GSE1: variants seen among roughly 807,000 people sequenced by gnomAD.
GSE1 encodes genetic suppressor element 1.
Under a neutral mutation model 112.6 loss-of-function variants are expected in GSE1, and 32 were observed. The ratio of observed to expected loss-of-function variants is 0.28; its 90% CI spans 0.21 to 0.38. The LOEUF is 0.38. Ranked by LOEUF, GSE1 falls within the 10% of genes least tolerant of loss-of-function variation. The pLI, the probability that GSE1 is intolerant of heterozygous loss-of-function variation, is 1.00. For missense variants in GSE1, 2,348 were observed against 1,699.2 expected, an observed-to-expected ratio of 1.38 and a Z score of -6.71; for synonymous variants, 1,115 against 735.6, an observed-to-expected ratio of 1.52 and a Z score of -8.35.
At chr16:85,600,607 CA>C (rs1567633600) in intron 1 of GSE1, among the ~76,000 whole-genome samples, 5 of 152,068 alleles carry the variant, frequency 3.3e-5, no homozygotes, top group African/African-American at 1.2e-4. Flanking sequence ...CACACACACA[CA>C]CACCCCAAAA....
At chr16:85,191,658 G>A (rs538923389) in intron 1 of GSE1, among the ~76,000 whole-genome samples, 25 of 152,222 alleles carry the variant, frequency 1.6e-4, no homozygotes, top group Non-Finnish European at 2.4e-4. Context: ...TTCACGCCCC[G>A]GCATGAACAT....
intron 2 of GSE1, among the ~76,000 whole-genome samples, chr16:85,423,221 A>T (rs2048893237): frequency 6.6e-6 from 1 of 152,172 alleles, no homozygotes; most frequent in South Asian, 2.1e-4. Context: ...GAAGGGGCAA[A>T]CGCCCAGCCA....
At chr16:85,666,407 C>T in intron 13 of GSE1, 60 bp downstream of exon 13, 1 of 1,570,806 alleles carries the variant, frequency 6.4e-7, no homozygotes, top group Non-Finnish European at 8.7e-7. Context: ...ACCAAAGTTG[C>T]TGAGCGCCAC....
chr16:85,556,245 G>A, exon 1 of GSE1: 5 of 984,658 alleles, frequency 5.1e-6, no homozygotes, highest in Non-Finnish European at 6.0e-6. Context: ...GGCTTGAACG[G>A]TGCTTTTTGT....
chr16:85,172,529 G>C (rs762134613), intron 1 of GSE1, among the ~76,000 whole-genome samples: 1 of 152,236 alleles, frequency 6.6e-6, no homozygotes, highest in Non-Finnish European at 1.5e-5. Flanking sequence ...AGCCAGACGG[G>C]GCTCAGTTAA....
chr16:85,516,143 G>C (rs894141852), intron 2 of GSE1, among the ~76,000 whole-genome samples: 1 of 152,158 alleles, frequency 6.6e-6, no homozygotes, highest in African/African-American at 2.4e-5. Flanking sequence ...GCTGGGGACA[G>C]ATTGTGTCAC....
intron 1 of GSE1, among the ~76,000 whole-genome samples, chr16:85,577,938 C>T (rs2046295717): frequency 1.3e-5 from 2 of 152,256 alleles, no homozygotes; most frequent in African/African-American, 4.8e-5. Context: ...CTTTGCAGAG[C>T]CCGGCTTGCT....
At chr16:85,247,897 G>T (rs548283686) in intron 1 of GSE1, among the ~76,000 whole-genome samples, 6 of 152,336 alleles carry the variant, frequency 3.9e-5, no homozygotes, top group South Asian at 2.1e-4. Context: ...GGCCCTTTCT[G>T]CAAGGAGGCC....
chr16:85,251,853 G>A (rs1474083101), intron 1 of GSE1, among the ~76,000 whole-genome samples: 6 of 152,216 alleles, frequency 3.9e-5, no homozygotes, highest in Middle Eastern at 3.2e-3. Context: ...CTGGGTGTGC[G>A]GAACCCCTAT....
intron 1 of GSE1, among the ~76,000 whole-genome samples, chr16:85,322,083 C>T (rs1421997168): frequency 6.6e-6 from 1 of 152,250 alleles, no homozygotes; most frequent in Non-Finnish European, 1.5e-5. Context: ...TGAGGCTCTG[C>T]ACCCAGCAAC....
At chr16:85,221,237 G>A (rs77838440) in intron 1 of GSE1, among the ~76,000 whole-genome samples, 1 of 152,012 alleles carries the variant, frequency 6.6e-6, no homozygotes, top group East Asian at 1.9e-4. Context: ...GGCTGTGCGA[G>A]GAGCCCCACT....
intron 4 of GSE1, 58 bp from the exon 5 acceptor site, chr16:85,654,736 A>T (rs1598615839): frequency 1.9e-6 from 2 of 1,045,508 alleles, no homozygotes; most frequent in South Asian, 2.6e-5. Context: ...CCGTCCCCCC[A>T]TGCAGGAGCA....
Position 85,663,361 on chromosome 16 carries a change from A to G in GSE1, c.2391A>G (p.Gln797=), listed in dbSNP as rs1310404720. ...CAATCTAGAAGCTAGAGTTTTTGCA[A>G]CTTTTTGGCTTGACCACCCAACAGC... is the stretch of plus-strand genomic sequence containing the variant. ...DTSSEKLEFL[Q]LFGLTTQQQK... Residue 797 remains glutamine (Q), a synonymous_variant, in exon 11 of 16, where the codon CAA becomes CAG. Coordinates refer to ENST00000253458, the MANE Select transcript of GSE1 (RefSeq NM_014615.5). 1 of 1,613,532 alleles carries G rather than the reference A, an allele frequency of 6.2e-7. No individual in the cohort carries two copies. The highest frequency in any genetic ancestry group is 1.7e-5 in the Admixed American group (1 of 59,886).
At chr16:85,560,759 T>G (rs1156539335) in intron 1 of GSE1, among the ~76,000 whole-genome samples, 4 of 152,130 alleles carry the variant, frequency 2.6e-5, no homozygotes, top group Non-Finnish European at 5.9e-5. Flanking sequence ...GCTAGCCCCA[T>G]GCTGGCGCAG....
chr16:85,537,739 C>G (rs1051420964), intron 2 of GSE1, among the ~76,000 whole-genome samples: 1 of 152,154 alleles, frequency 6.6e-6, no homozygotes, highest in African/African-American at 2.4e-5. Flanking sequence ...GAGGCCCTGG[C>G]GAGAAAGATG....
intron 1 of GSE1, among the ~76,000 whole-genome samples, chr16:85,314,834 C>T (rs2045954274): frequency 6.6e-6 from 1 of 152,156 alleles, no homozygotes; most frequent in Admixed American, 6.5e-5. Flanking sequence ...CTTCCAAGGC[C>T]TCTTGGAGAG....
intron 2 of GSE1, among the ~76,000 whole-genome samples, chr16:85,402,255 A>C (rs528422318): frequency 7.2e-5 from 11 of 152,280 alleles, no homozygotes; most frequent in South Asian, 4.2e-4. Flanking sequence ...CGGCCTGTCC[A>C]CCGGGCCACC....
At chr16:85,300,265 G>T (rs2045484634) in intron 1 of GSE1, among the ~76,000 whole-genome samples, 1 of 152,106 alleles carries the variant, frequency 6.6e-6, no homozygotes, top group Admixed American at 6.6e-5. Context: ...TCCCACCTCG[G>T]CCTCCCAAAG....
chr16:85,427,063 C>T lies in GSE1; in HGVS notation c.2464+69420C>T, dbSNP rs1241700315. 2.6e-5 allele frequency among the ~76,000 whole-genome samples: 4 copies of T among 152,144 alleles called. No individual in the cohort carries two copies. The East Asian group carries it at 5.8e-4, about 22-fold the overall frequency. Reference sequence around the variant, plus strand: ...TGTCCCCACCTATGAGCCCAGACCTCACATTGGGAACAGGCTCAGTATGTG... The same window carrying T: ...TGTCCCCACCTATGAGCCCAGACCTTACATTGGGAACAGGCTCAGTATGTG... On this transcript the variant is annotated intron_variant, in intron 2 of 2. Transcript: ENST00000637419.
Sources: allele counts gnomAD v4.1 joint callset (sites outside exome capture counted in the v4.1 genomes callset), GRCh38; gene constraint gnomAD v4.1.1; transcripts MANE v1.5; gene names NCBI Gene and HGNC (gene_info 2026-07-23, HGNC 2026-07-21).